Variants in TTC39B observed in about 807,000 individuals in gnomAD.
TTC39B encodes tetratricopeptide repeat domain 39B.
In TTC39B, 92 loss-of-function variants were observed where a neutral mutation model predicts 96.6. The observed-to-expected ratio is 0.95, with a 90% CI of 0.80 to 1.13. TTC39B has a LOEUF of 1.13. TTC39B is among the 50% of genes most tolerant of loss of function. The pLI is 0.00. For synonymous variants in TTC39B, 367 were observed against 299.4 expected (o/e 1.23, Z -2.33); for missense variants, 955 against 809.3 (o/e 1.18, Z -2.18).
chr9:15,192,624 C>A (rs778037562), exon 9 of TTC39B: 1 of 1,614,072 alleles, frequency 6.2e-7, no homozygotes, highest in Admixed American at 1.7e-5. Flanking sequence ...CTTGACACCC[C>A]CTTCAAACTC....
chr9:15,218,467 C>T (rs548264), intron 3 of TTC39B, among the ~76,000 whole-genome samples: 9,041 of 152,048 alleles, frequency 0.059, 866 homozygotes, highest in African/African-American at 0.21. Context: ...CCATGTCTAA[C>T]TCTCCAAAAA....
rs1020863223 is a variant in TTC39B, at chr9:15,233,992, G to T, written c.276-7980C>A. 5.4e-4 allele frequency among the ~76,000 whole-genome samples: 81 copies of T among 149,784 alleles called. 2 individuals are homozygous for T. Among genetic ancestry groups the T allele is most frequent in the Admixed American group, 1.9e-3 (29 of 15,144 alleles). Reference sequence around the variant, plus strand: ...CCGCCCATCGTCTGAGATGTGGGGAGCGCCTCTGCCCCGCTGCCCCGTCTG... The same window carrying T: ...CCGCCCATCGTCTGAGATGTGGGGATCGCCTCTGCCCCGCTGCCCCGTCTG... On this transcript the variant is annotated intron_variant, in intron 2 of 19. Coordinates refer to ENST00000512701, the Ensembl canonical transcript of TTC39B.
intron 5 of TTC39B, 38 bp downstream of exon 5, chr9:15,211,228 T>C (rs1820180272): frequency 1.8e-5 from 25 of 1,413,654 alleles, no homozygotes; most frequent in Non-Finnish European, 2.2e-5. Flanking sequence ...GCATAAAAGT[T>C]TGCAGTCACA....
At position 15,306,721 on chromosome 9, in the gene TTC39B, A is replaced by G. The variant is rs1266124408; in HGVS notation, c.240+363T>C. 1.3e-5 allele frequency among the ~76,000 whole-genome samples: 2 copies of G among 152,180 alleles called. No homozygotes were observed. Among genetic ancestry groups the G allele is most frequent in the African/African-American group, 4.8e-5 (2 of 41,444 alleles). On this transcript the variant is annotated intron_variant, in intron 1 of 19. Transcript: ENST00000512701. The surrounding 1 kb of genome is among the most constrained non-coding windows in gnomAD (Gnocchi z 5.1). Reference sequence around the variant, plus strand: ...GCCAGTGCCAGGACTTCAGGGTCAGACTTCGTAAAGCCCAGGCGTCGCTGG... The same window carrying G: ...GCCAGTGCCAGGACTTCAGGGTCAGGCTTCGTAAAGCCCAGGCGTCGCTGG...
Position 15,185,419 on chromosome 9 carries a change from C to A in TTC39B, c.1488-13G>T, listed in dbSNP as rs1818467968. 6.2e-7 allele frequency: 1 copy of A among 1,612,936 alleles called. No individual in the cohort carries two copies. Among genetic ancestry groups the A allele is most frequent in the African/African-American group, 1.3e-5 (1 of 74,958 alleles). On this transcript the variant is annotated splice_polypyrimidine_tract_variant and intron_variant, in intron 15 of 19. Coordinates refer to ENST00000512701, the Ensembl canonical transcript of TTC39B. ...GCTGTCCACCTGTCTGTGAAGAACC[C>A]CAGCCCAGCCCCAGAGAAAGGTCAT...
intron 1 of TTC39B, among the ~76,000 whole-genome samples, chr9:15,270,601 C>T (rs1284705559): frequency 6.6e-6 from 1 of 150,552 alleles, no homozygotes; most frequent in East Asian, 2.0e-4. Context: ...ATTCCCACCC[C>T]TCCATCAAAA....
At position 15,302,970 on chromosome 9, in the gene TTC39B, C is replaced by T. The variant is rs148303984; in HGVS notation, c.240+4114G>A. Among the ~76,000 whole-genome samples the T allele has an allele frequency of 3.5e-3, 537 of 152,268 alleles. 3 individuals carry two copies. Among genetic ancestry groups the T allele is most frequent in the African/African-American group, 0.012 (512 of 41,552 alleles). The stretch of plus-strand genomic sequence containing the variant: ...GGATCACGAGGTCAAGAGATCGAGA[C>T]CATCCTGGCCAACATGGTGAAACCC... On this transcript the variant is annotated intron_variant, in intron 1 of 19. Coordinates refer to ENST00000512701, the Ensembl canonical transcript of TTC39B.
intron 8 of TTC39B, 35 bp from the exon 9 acceptor site, chr9:15,192,730 A>C (rs757038664): frequency 1.4e-6 from 2 of 1,384,984 alleles, no homozygotes; most frequent in Non-Finnish European, 1.0e-6. Context: ...GCATAAGTTG[A>C]CCATGACTCT....
intron 2 of TTC39B, among the ~76,000 whole-genome samples, chr9:15,265,894 T>C (rs993667435): frequency 6.6e-6 from 1 of 152,102 alleles, no homozygotes; most frequent in Non-Finnish European, 1.5e-5. Flanking sequence ...CTGACAGTAC[T>C]CCTCAAAACT....
At chr9:15,186,988 C>T (rs2118714784) in exon 15 of TTC39B, 3 of 1,613,578 alleles carry the variant, frequency 1.9e-6, no homozygotes, top group African/African-American at 1.3e-5. Flanking sequence ...CTACATCCTC[C>T]TCTGGAAGCA....
intron 2 of TTC39B, chr9:15,249,948 T>G: frequency 7.8e-7 from 1 of 1,285,196 alleles, no homozygotes; most frequent in Non-Finnish European, 1.0e-6. Flanking sequence ...TTTGGAGGAA[T>G]GAATATAGTC....
At chr9:15,249,633 G>A (rs74472215) in intron 2 of TTC39B, 3,491 of 170,162 alleles carry the variant, frequency 0.021, 129 homozygotes, top group African/African-American at 0.078. Flanking sequence ...ATCCCGGGAA[G>A]ACCAGATCCT....
chr9:15,184,139 G>T (rs761387767), intron 16 of TTC39B, among the ~76,000 whole-genome samples: 4 of 152,118 alleles, frequency 2.6e-5, no homozygotes, highest in African/African-American at 4.8e-5. Flanking sequence ...CACATGAAAA[G>T]ATGCTCCACC....
chr9:15,249,140 AACTC>A (rs1052736936), intron 2 of TTC39B: 1 of 152,184 alleles, frequency 6.6e-6, no homozygotes, highest in Non-Finnish European at 1.5e-5. Context: ...GAATGCTCAA[AACTC>A]ACTCACTAAT....
At chr9:15,236,161 A>T (rs922697617) in intron 2 of TTC39B, among the ~76,000 whole-genome samples, 11 of 152,260 alleles carry the variant, frequency 7.2e-5, no homozygotes, top group African/African-American at 2.7e-4. Context: ...AGTGAGCAGG[A>T]GTGACTATTC....
chr9:15,177,801 G>A (rs189065187), exon 18 of TTC39B: 66 of 1,594,670 alleles, frequency 4.1e-5, no homozygotes, highest in Non-Finnish European at 5.3e-5. Context: ...CATCCACAGA[G>A]AAGCTGTTAA....
intron 1 of TTC39B, among the ~76,000 whole-genome samples, chr9:15,302,369 C>A (rs992073359): frequency 6.6e-6 from 1 of 151,360 alleles, no homozygotes; most frequent in Non-Finnish European, 1.5e-5. Flanking sequence ...GTAATCCCAG[C>A]ACTTTGGGAG....
intron 1 of TTC39B, among the ~76,000 whole-genome samples, chr9:15,303,415 G>A (rs1338682962): frequency 6.7e-6 from 1 of 149,184 alleles, no homozygotes; most frequent in Non-Finnish European, 1.5e-5. Context: ...CTGTCACCCA[G>A]GCTGGAGTGC....
intron 2 of TTC39B, chr9:15,232,322 A>G (rs1429274369): frequency 2.0e-5 from 3 of 152,560 alleles, no homozygotes; most frequent in African/African-American, 7.2e-5. Flanking sequence ...TACCCAACAT[A>G]CTAACGCTAT....
Sources: allele counts gnomAD v4.1 joint callset (sites outside exome capture counted in the v4.1 genomes callset), GRCh38; gene constraint gnomAD v4.1.1; non-coding constraint Gnocchi (gnomAD v3.1); transcripts MANE v1.5; gene names NCBI Gene and HGNC (gene_info 2026-07-23, HGNC 2026-07-21).